PCLO: variants seen among roughly 807,000 people sequenced by gnomAD.
PCLO encodes the protein piccolo presynaptic cytomatrix protein.
In PCLO, 82 loss-of-function variants were observed where a neutral mutation model predicts 427.5. That is an observed-to-expected ratio of 0.19 (90% confidence interval 0.16 to 0.23). PCLO has a LOEUF of 0.23. Ranked by LOEUF, PCLO falls within the 10% of genes least tolerant of loss-of-function variation. PCLO has a pLI of 1.00. For missense variants in PCLO, 6,239 were observed against 6,115.9 expected (o/e 1.02, Z -0.67); for synonymous variants, 2,357 against 2,155.4 (o/e 1.09, Z -2.59).
chr7:82,824,411 C>G lies in PCLO; in HGVS notation c.14421G>C (p.Leu4807Phe). The change falls in exon 19 of 25, where the codon TTG becomes TTC. Residue 4807 changes from leucine (L) to phenylalanine (F), a missense_variant. By Grantham distance (22) the Leu-to-Phe change is conservative (BLOSUM62 0). This residue lies in a region of PCLO where 877 missense variants were observed against 925.5 expected (regional missense o/e 0.95). Transcript: ENST00000333891. ...FSSNDFLGEVLIDLSSTSHLD... is the reference protein window; with the variant it reads ...FSSNDFLGEVFIDLSSTSHLD... Reference sequence around the variant, plus strand: ...GGTGAGATGTGCTAGATAAATCAATCAATACCTGAAAAAAAGTGTAACAAA... The same window carrying G: ...GGTGAGATGTGCTAGATAAATCAATGAATACCTGAAAAAAAGTGTAACAAA... 6.4e-7 allele frequency: 1 copy of G among 1,570,388 alleles called. No individual in the cohort carries two copies. Among genetic ancestry groups the G allele is most frequent in the East Asian group, 2.3e-5 (1 of 44,014 alleles).
chr7:82,967,239 G>A (rs10227879), intron 3 of PCLO, among the ~76,000 whole-genome samples: 7,441 of 145,898 alleles, frequency 0.051, 631 homozygotes, highest in African/African-American at 0.18. Context: ...GCAATGGTGC[G>A]ATCTCGGCTC....
At position 82,757,870 on chromosome 7, in the gene PCLO, A is replaced by G. The variant is rs1234770978; in HGVS notation, c.*705T>C. On this transcript the variant is annotated 3_prime_UTR_variant, in exon 25 of 25. Coordinates refer to ENST00000333891, the MANE Select transcript of PCLO (RefSeq NM_033026.6). ...TTCAATTTTATTTCTACTGAGTATTATCTTCACTCTACCTTGTTTCAAATG... is the reference window on the plus strand; with the variant it reads ...TTCAATTTTATTTCTACTGAGTATTGTCTTCACTCTACCTTGTTTCAAATG... The G allele has an allele frequency of 6.6e-6, 1 of 152,028 alleles. No individual in the cohort carries two copies. Among genetic ancestry groups the G allele is most frequent in the Non-Finnish European group, 1.5e-5 (1 of 67,940 alleles). The allele number at this position is 152,028 out of a possible 1,614,324, so 9.4% of individuals were successfully genotyped here. A position where few individuals can be genotyped will look rare whatever the true frequency, so the allele number is the denominator to read the frequency against.
chr7:82,830,218 A>G (rs1792059148), intron 16 of PCLO, among the ~76,000 whole-genome samples: 2 of 152,090 alleles, frequency 1.3e-5, no homozygotes, highest in South Asian at 4.1e-4. Flanking sequence ...GATAGCAAGC[A>G]CACAGGTATT....
At chr7:82,830,646 G>T (rs1792071530) in intron 16 of PCLO, among the ~76,000 whole-genome samples, 1 of 151,886 alleles carries the variant, frequency 6.6e-6, no homozygotes, top group South Asian at 2.1e-4. Context: ...ACCATATTAA[G>T]ATTTATAATA....
chr7:82,850,743 A>T (rs1222343455), intron 10 of PCLO, among the ~76,000 whole-genome samples: 4 of 152,142 alleles, frequency 2.6e-5, no homozygotes, highest in African/African-American at 9.7e-5. Flanking sequence ...AACACTTCAT[A>T]TGTGGTAGGC....
At chr7:83,075,023 G>C (rs549997965) in intron 3 of PCLO, among the ~76,000 whole-genome samples, 2 of 152,152 alleles carry the variant, frequency 1.3e-5, no homozygotes, top group South Asian at 2.1e-4. Flanking sequence ...CCAATAAACA[G>C]TTGAATAAAG....
Position 82,950,848 on chromosome 7 carries a change from T to C in PCLO, c.9740A>G (p.Glu3247Gly). The stretch of plus-strand genomic sequence containing the variant: ...TTTCTGAACCATGATCTTTTCTTGT[T>C]CTCGGAACCTTTGAATTTCCTGACG... ...WERQEIQRFR[E>G]QEKIMVQKKL... The change falls in exon 6 of 25, where the codon GAA becomes GGA. Residue 3247 changes from glutamate to glycine, a missense_variant. Physicochemically the swap from Glu to Gly is moderately conservative, Grantham distance 98 (BLOSUM62 -2). Transcript: ENST00000333891. 1 of 1,613,714 alleles carries C rather than the reference T, an allele frequency of 6.2e-7. No homozygotes were observed. The highest frequency in any genetic ancestry group is 8.5e-7 in the Non-Finnish European group (1 of 1,179,860).
chr7:82,900,370 G>C (rs1419587063), intron 9 of PCLO, among the ~76,000 whole-genome samples: 1 of 151,726 alleles, frequency 6.6e-6, no homozygotes, highest in South Asian at 2.1e-4. Flanking sequence ...TACCATGTTA[G>C]ATGTATTGCC....
chr7:82,779,175 A>T (rs1238471832), intron 22 of PCLO, among the ~76,000 whole-genome samples: 1 of 152,046 alleles, frequency 6.6e-6, no homozygotes, highest in Non-Finnish European at 1.5e-5. Context: ...GGAGTCTTAG[A>T]CTTTCTGCTG....
Position 82,950,200 on chromosome 7 carries a change from C to G in PCLO, c.10388G>C (p.Arg3463Thr). 1 of 1,612,110 alleles carries G rather than the reference C, an allele frequency of 6.2e-7. No individual in the cohort carries two copies. The highest frequency in any genetic ancestry group is 8.5e-7 in the Non-Finnish European group (1 of 1,179,646). ...GCTTGTATCCACACTCTTTTTAGTTCTCCTTCTCCTACTCACATAGCTCCG... is the reference window on the plus strand; with the variant it reads ...GCTTGTATCCACACTCTTTTTAGTTGTCCTTCTCCTACTCACATAGCTCCG... ...TDRSYVSRRR[R>T]TKKSVDTSVQ... The change falls in exon 6 of 25, where the codon AGA becomes ACA. Residue 3463 changes from arginine (R) to threonine (T), a missense_variant. Around this residue, in one of 5 missense-constraint regions of PCLO, gnomAD observed 4,677 missense variants for 4,468.4 expected, o/e 1.05. Transcript: ENST00000333891.
chr7:82,967,374 C>T (rs1263728408), intron 3 of PCLO, among the ~76,000 whole-genome samples: 1 of 151,904 alleles, frequency 6.6e-6, no homozygotes, highest in Non-Finnish European at 1.5e-5. Flanking sequence ...GGGGTTTCTC[C>T]ATGTTGGTCA....
intron 2 of PCLO, among the ~76,000 whole-genome samples, chr7:83,142,435 T>A (rs1350288987): frequency 6.6e-6 from 1 of 152,152 alleles, no homozygotes. Flanking sequence ...AGATTCCCAG[T>A]CAACTTTGGG....
chr7:83,101,608 A>AAC (rs1200355926), intron 3 of PCLO, among the ~76,000 whole-genome samples: 1 of 152,166 alleles, frequency 6.6e-6, no homozygotes, highest in Non-Finnish European at 1.5e-5. Flanking sequence ...GATGAGTGTT[A>AAC]GTTAGCTAAT....
chr7:82,764,544 C>T (rs1276526745), intron 22 of PCLO, among the ~76,000 whole-genome samples: 1 of 151,696 alleles, frequency 6.6e-6, no homozygotes, highest in East Asian at 1.9e-4. Flanking sequence ...ATACTATGTA[C>T]AAGAAATACA....
chr7:82,949,877 C>T lies in PCLO; in HGVS notation c.10711G>A (p.Ala3571Thr). 1 of 1,613,738 alleles carries T rather than the reference C, an allele frequency of 6.2e-7. No homozygotes were observed. The highest frequency in any genetic ancestry group is 1.3e-5 in the African/African-American group (1 of 74,954). The change falls in exon 6 of 25, where the codon GCA becomes ACA. Residue 3571 changes from alanine (A) to threonine (T), a missense_variant. Transcript: ENST00000333891. ...KGGSLGCQTE[A>T]DSDTQSPQYL... ...TGAGGACTTTGTGTGTCTGAATCTG[C>T]TTCTGTTTGACATCCTAAACTGCCC...
At chr7:83,029,592 C>T (rs1242137216) in intron 3 of PCLO, among the ~76,000 whole-genome samples, 26 of 122,804 alleles carry the variant, frequency 2.1e-4, no homozygotes, top group African/African-American at 8.3e-4. Flanking sequence ...ACCATTTGAC[C>T]CAGCCATCCC....
Position 82,950,521 on chromosome 7 carries a change from G to T in PCLO, c.10067C>A (p.Thr3356Asn), listed in dbSNP as rs976442537. Residue 3356 changes from threonine to asparagine, a missense_variant, in exon 6 of 25, where the codon ACC (threonine) becomes AAC (asparagine). By Grantham distance (65) the Thr-to-Asn change is moderately conservative. Coordinates refer to ENST00000333891, the MANE Select transcript of PCLO (RefSeq NM_033026.6). ...GSQFWATEDA[T>N]TTASAVVAIE... ...TGCCACAACAGCTGAAGCTGTGGTG[G>T]TTGCATCTTCAGTTGCCCAAAATTG... The T allele has an allele frequency of 6.2e-7, 1 of 1,613,852 alleles. No homozygotes were observed. Among genetic ancestry groups the T allele is most frequent in the African/African-American group, 1.3e-5 (1 of 75,030 alleles).
intron 8 of PCLO, among the ~76,000 whole-genome samples, chr7:82,908,126 G>A (rs1162858380): frequency 6.6e-6 from 1 of 151,966 alleles, no homozygotes; most frequent in Non-Finnish European, 1.5e-5. Flanking sequence ...GATCTGCTAA[G>A]GCAATTGATT....
intron 2 of PCLO, 103 bp downstream of exon 2, chr7:83,154,641 CAGAG>C: frequency 1.2e-6 from 1 of 845,284 alleles, no homozygotes. Flanking sequence ...GGGGAGAATC[CAGAG>C]AAAGACAATG....
Sources: gnomAD v4.1 joint callset for allele counts (sites outside exome capture counted in the v4.1 genomes callset) on GRCh38, gnomAD v4.1.1 for gene constraint, gnomAD v4.1.1 regional missense constraint, MANE v1.5 for transcripts, NCBI Gene and HGNC (gene_info 2026-07-23, HGNC 2026-07-21) for gene names.